Variants in MACROD2 observed in about 807,000 individuals in gnomAD.
MACROD2 encodes the protein mono-ADP ribosylhydrolase 2, also known as ADP-ribose glycohydrolase MACROD2.
Under a neutral mutation model 70.4 loss-of-function variants are expected in MACROD2, and 36 were observed. The ratio of observed to expected loss-of-function variants is 0.51; its 90% confidence interval spans 0.39 to 0.68. The LOEUF (loss-of-function observed/expected upper bound fraction) is 0.68. MACROD2 is among the 30% of genes least tolerant of loss of function. MACROD2 has a pLI of 0.00. For missense variants in MACROD2, 496 were observed against 538.4 expected (o/e 0.92, Z 0.78); for synonymous variants, 172 against 178.8 (o/e 0.96, Z 0.30).
intron 8 of MACROD2, among the ~76,000 whole-genome samples, chr20:15,832,830 C>G (rs16996644): frequency 0.13 from 19,617 of 152,212 alleles, 1,443 homozygotes; most frequent in African/African-American, 0.15. Context: ...TGTGCACCAA[C>G]ATTTGATAAC....
intron 3 of MACROD2, chr20:14,128,318 C>G (rs1184251173): frequency 1.1e-5 from 2 of 176,000 alleles, no homozygotes; most frequent in Admixed American, 5.8e-5. Context: ...AAACTATGAA[C>G]AACAGTGGAA....
chr20:15,762,070 G>C (rs942074337), intron 8 of MACROD2, among the ~76,000 whole-genome samples: 1 of 152,148 alleles, frequency 6.6e-6, no homozygotes, highest in Non-Finnish European at 1.5e-5. Flanking sequence ...AAGAAATTGA[G>C]TATGCCAATT....
At chr20:14,298,914 G>A (rs1324948418) in intron 3 of MACROD2, among the ~76,000 whole-genome samples, 1 of 152,210 alleles carries the variant, frequency 6.6e-6, no homozygotes, top group African/African-American at 2.4e-5. Flanking sequence ...CATGGATGAA[G>A]AGTTGCTCCT....
intron 5 of MACROD2, among the ~76,000 whole-genome samples, chr20:14,770,675 A>G (rs2072153296): frequency 6.6e-6 from 1 of 152,106 alleles, no homozygotes; most frequent in Non-Finnish European, 1.5e-5. Context: ...TTCTAGGCCT[A>G]TTCTAAATAC....
chr20:14,295,353 A>G (rs570812039), intron 3 of MACROD2, among the ~76,000 whole-genome samples: 1 of 152,066 alleles, frequency 6.6e-6, no homozygotes, highest in South Asian at 2.1e-4. Flanking sequence ...ACAACAGGCA[A>G]TGTAGGACTG....
At chr20:15,831,897 G>A (rs893638124) in intron 8 of MACROD2, among the ~76,000 whole-genome samples, 2 of 152,130 alleles carry the variant, frequency 1.3e-5, no homozygotes, top group Admixed American at 6.5e-5. Context: ...CCCAACTCCT[G>A]ATTTCATGTG....
In MACROD2 at chr20:14,063,401, T is replaced by G. The variant is rs979676847; in HGVS notation, c.164-22220T>G. On this transcript the variant is annotated intron_variant, in intron 2 of 17. Transcript: ENST00000684519. The stretch of plus-strand genomic sequence containing the variant: ...CACCTCGTGGGGCATTAATGATCTA[T>G]GCTCAATTTTAGGCACATCCATATG... 2.2e-4 allele frequency among the ~76,000 whole-genome samples: 33 copies of G among 152,226 alleles called. 1 individual carries two copies. Among genetic ancestry groups the G allele is most frequent in the African/African-American group, 8.0e-4 (33 of 41,462 alleles).
intron 8 of MACROD2, among the ~76,000 whole-genome samples, chr20:15,612,613 C>T (rs1194989693): frequency 6.6e-6 from 1 of 152,188 alleles, no homozygotes; most frequent in Admixed American, 6.5e-5. Context: ...TCTGCTGCCA[C>T]TAAAGCTTTA....
At chr20:16,034,441 A>C (rs1428032991) in intron 15 of MACROD2, among the ~76,000 whole-genome samples, 2 of 152,046 alleles carry the variant, frequency 1.3e-5, no homozygotes, top group Non-Finnish European at 2.9e-5. Flanking sequence ...AATTGAGCTC[A>C]TCTTTTCCAA....
intron 3 of MACROD2, chr20:14,127,974 A>T (rs1333261626): frequency 3.9e-6 from 2 of 517,040 alleles, no homozygotes; most frequent in Non-Finnish European, 7.7e-6. Context: ...AATAGTCCCA[A>T]GAACAGTTGT....
chr20:15,317,462 A>G (rs911036223), intron 6 of MACROD2, among the ~76,000 whole-genome samples: 2 of 151,342 alleles, frequency 1.3e-5, no homozygotes, highest in Non-Finnish European at 3.0e-5. Flanking sequence ...GAAGATATCT[A>G]TATCTCTGTC....
At chr20:14,753,601 G>A (rs2071902871) in intron 5 of MACROD2, among the ~76,000 whole-genome samples, 1 of 151,778 alleles carries the variant, frequency 6.6e-6, no homozygotes, top group Non-Finnish European at 1.5e-5. Flanking sequence ...TATACCAGAG[G>A]CATCTGTTTA....
intron 5 of MACROD2, among the ~76,000 whole-genome samples, chr20:14,862,604 TAAATATATATAAATATATATATATAA>T (rs2073373338): frequency 3.0e-5 from 1 of 33,068 alleles, no homozygotes; most frequent in Non-Finnish European, 5.0e-5. Flanking sequence ...TATATAAATA[TAAATATATATAAATATATATATATAA>T]ATATATATAT....
chr20:15,083,431 G>A (rs1193414455), intron 5 of MACROD2, among the ~76,000 whole-genome samples: 7 of 152,058 alleles, frequency 4.6e-5, no homozygotes, highest in South Asian at 2.1e-4. Flanking sequence ...AATTAATTAC[G>A]CCTAAAAGTA....
intron 6 of MACROD2, among the ~76,000 whole-genome samples, chr20:15,335,062 T>C (rs2078033700): frequency 6.6e-6 from 1 of 151,620 alleles, no homozygotes; most frequent in African/African-American, 2.4e-5. Context: ...GCAGTCAGAG[T>C]CTAGACTGTT....
Position 14,441,970 on chromosome 20 carries a change from A to C in MACROD2, c.272-51509A>C, listed in dbSNP as rs185297290. On this transcript the variant is annotated intron_variant, in intron 3 of 17. Transcript: ENST00000684519. ...AGCAGGAATCTGAAGAATTGAGATAAATTAAAAATAAATGGGAGGCTGGGT... is the reference window on the plus strand; with the variant it reads ...AGCAGGAATCTGAAGAATTGAGATACATTAAAAATAAATGGGAGGCTGGGT... 9.5e-3 allele frequency among the ~76,000 whole-genome samples: 1,453 copies of C among 152,194 alleles called. 11 individuals carry two copies. Among genetic ancestry groups the C allele is most frequent in the Admixed American group, 0.018 (270 of 15,286 alleles).
At chr20:15,921,078 C>T (rs981925242) in intron 10 of MACROD2, among the ~76,000 whole-genome samples, 4 of 152,080 alleles carry the variant, frequency 2.6e-5, no homozygotes, top group African/African-American at 4.8e-5. Context: ...ATATTCCTAC[C>T]CCACAAAACA....
At chr20:15,573,908 A>T (rs1170683575) in intron 8 of MACROD2, among the ~76,000 whole-genome samples, 2 of 152,164 alleles carry the variant, frequency 1.3e-5, no homozygotes, top group Non-Finnish European at 2.9e-5. Flanking sequence ...ATGTTTAAAA[A>T]TTTTTGGAAT....
intron 8 of MACROD2, among the ~76,000 whole-genome samples, chr20:15,712,286 T>C (rs2050640059): frequency 6.6e-6 from 1 of 152,220 alleles, no homozygotes; most frequent in African/African-American, 2.4e-5. Context: ...AGAGCTGTGT[T>C]CCAATAAAAC....
Sources: gnomAD v4.1 joint callset for allele counts (sites outside exome capture counted in the v4.1 genomes callset) on GRCh38, gnomAD v4.1.1 for gene constraint, MANE v1.5 for transcripts, NCBI Gene and HGNC (gene_info 2026-07-23, HGNC 2026-07-21) for gene names.